NCALD: variants seen among roughly 807,000 people sequenced by gnomAD.
NCALD encodes the protein neurocalcin-delta.
NCALD carries 10 observed loss-of-function variants against 18.6 expected under a neutral mutation model. That is an observed-to-expected ratio of 0.54 (90% CI 0.33 to 0.91). The LOEUF (loss-of-function observed/expected upper bound fraction) is 0.91, where lower values mean the gene tolerates loss of function less well. Ranked by LOEUF, NCALD falls within the 40% of genes least tolerant of loss-of-function variation. The pLI, the probability that NCALD is intolerant of heterozygous loss-of-function variation, is 0.03. For missense variants in NCALD, 184 were observed against 247.6 expected (o/e 0.74, Z 1.72); for synonymous variants, 88 against 87.4 (o/e 1.01, Z -0.04).
chr8:101,964,774 A>G (rs1819961492), intron 2 of NCALD, among the ~76,000 whole-genome samples: 1 of 152,330 alleles, frequency 6.6e-6, no homozygotes, highest in South Asian at 2.1e-4. Flanking sequence ...GGATTCGCCT[A>G]ATTTTGAAAG....
chr8:101,741,068 C>T (rs929995977), intron 1 of NCALD, among the ~76,000 whole-genome samples: 1 of 152,190 alleles, frequency 6.6e-6, no homozygotes, highest in African/African-American at 2.4e-5. Context: ...TGGACTATCA[C>T]TATTCAGGCT....
At chr8:101,771,048 T>C (rs2130895098) in intron 1 of NCALD, among the ~76,000 whole-genome samples, 1 of 152,334 alleles carries the variant, frequency 6.6e-6, no homozygotes, top group East Asian at 1.9e-4. Context: ...TAAGTTCCAA[T>C]TCCCCACCCC....
chr8:102,052,375 C>A (rs1392873292), intron 1 of NCALD, among the ~76,000 whole-genome samples: 1 of 152,204 alleles, frequency 6.6e-6, no homozygotes, highest in Non-Finnish European at 1.5e-5. Flanking sequence ...ACACATCACA[C>A]AACTCCATTC....
At chr8:102,066,258 AC>A (rs1217711169) in intron 1 of NCALD, among the ~76,000 whole-genome samples, 1 of 152,144 alleles carries the variant, frequency 6.6e-6, no homozygotes, top group Non-Finnish European at 1.5e-5. Flanking sequence ...CTCCCTCCTC[AC>A]TCAGTCTTCC....
intron 1 of NCALD, chr8:101,789,061 A>G (rs1052352269): frequency 2.0e-5 from 3 of 152,222 alleles, no homozygotes; most frequent in African/African-American, 7.2e-5. Context: ...TACAATTATT[A>G]TAAGACTTTA....
At chr8:101,955,775 T>C (rs1366374660) in intron 2 of NCALD, among the ~76,000 whole-genome samples, 3 of 152,192 alleles carry the variant, frequency 2.0e-5, no homozygotes, top group East Asian at 1.9e-4. Context: ...AAAATAGTTA[T>C]AGAAGATATT....
chr8:102,056,441 G>A lies in NCALD; in HGVS notation c.-209-36152C>T, dbSNP rs1586991664. On this transcript the variant is annotated intron_variant, in intron 1 of 6. Transcript: ENST00000311028. ...CCCTCAATGCTCATTACAGACCCTTGCACACCTACATTTCAATAGTAATAA... is the reference window on the plus strand; with the variant it reads ...CCCTCAATGCTCATTACAGACCCTTACACACCTACATTTCAATAGTAATAA... Among the ~76,000 whole-genome samples, 3 of 152,306 alleles carry A rather than the reference G, an allele frequency of 2.0e-5. No homozygotes were observed. In the East Asian group the frequency reaches 5.8e-4, roughly 29 times the overall value.
chr8:101,798,771 G>C (rs751509307), intron 4 of NCALD, among the ~76,000 whole-genome samples: 1 of 152,184 alleles, frequency 6.6e-6, no homozygotes, highest in South Asian at 2.1e-4. Flanking sequence ...ATATAGCTAC[G>C]ATGATCAAGA....
At chr8:101,824,589 GA>G (rs1563802951) in intron 4 of NCALD, among the ~76,000 whole-genome samples, 1 of 151,866 alleles carries the variant, frequency 6.6e-6, no homozygotes, top group African/African-American at 2.4e-5. Context: ...AAGACAAGCT[GA>G]AAATGGCAAA....
chr8:102,063,657 A>T (rs756010496), intron 1 of NCALD, among the ~76,000 whole-genome samples: 1 of 152,094 alleles, frequency 6.6e-6, no homozygotes, highest in Non-Finnish European at 1.5e-5. Flanking sequence ...GCTCAAAACT[A>T]CTCTTGAAAG....
chr8:101,747,522 A>G (rs1810475617), intron 1 of NCALD, among the ~76,000 whole-genome samples: 2 of 152,172 alleles, frequency 1.3e-5, no homozygotes, highest in African/African-American at 4.8e-5. Context: ...GCTTCCTCCC[A>G]TAACTTTCAG....
intron 1 of NCALD, among the ~76,000 whole-genome samples, chr8:102,114,662 G>T (rs749057644): frequency 2.0e-5 from 3 of 152,136 alleles, no homozygotes; most frequent in Non-Finnish European, 4.4e-5. Flanking sequence ...GGAGGGACAG[G>T]GGAATAAATA....
chr8:101,751,362 T>G (rs1326679458), intron 1 of NCALD, among the ~76,000 whole-genome samples: 1 of 152,136 alleles, frequency 6.6e-6, no homozygotes, highest in African/African-American at 2.4e-5. Context: ...AGGAGATGAC[T>G]GGAGAGTTAG....
chr8:101,793,930 C>T (rs1446991535), upstream of NCALD, among the ~76,000 whole-genome samples: 1 of 152,164 alleles, frequency 6.6e-6, no homozygotes, highest in African/African-American at 2.4e-5. Context: ...GCAATTCTAA[C>T]CAGTCTTTTG....
At chr8:101,746,442 G>T (rs1051918636) in intron 1 of NCALD, among the ~76,000 whole-genome samples, 2 of 147,552 alleles carry the variant, frequency 1.4e-5, no homozygotes, top group African/African-American at 5.4e-5. Flanking sequence ...AACAACAATG[G>T]TTATGATACA....
intron 1 of NCALD, among the ~76,000 whole-genome samples, chr8:101,773,853 C>A (rs1197314597): frequency 1.3e-5 from 2 of 152,100 alleles, no homozygotes; most frequent in Non-Finnish European, 2.9e-5. Context: ...GTTTAAGAAT[C>A]ATGGACACGA....
At chr8:101,931,393 C>T (rs1818566583) in intron 2 of NCALD, among the ~76,000 whole-genome samples, 1 of 152,186 alleles carries the variant, frequency 6.6e-6, no homozygotes, top group African/African-American at 2.4e-5. Flanking sequence ...CTGTTAACAA[C>T]ATCAGATATA....
chr8:102,037,121 A>G (rs972069699), intron 1 of NCALD, among the ~76,000 whole-genome samples: 3 of 152,216 alleles, frequency 2.0e-5, no homozygotes, highest in African/African-American at 7.2e-5. Flanking sequence ...GTACGTAACC[A>G]CTAACAAAAG....
At chr8:101,714,700 A>C (rs1209902553) in intron 2 of NCALD, among the ~76,000 whole-genome samples, 2 of 151,946 alleles carry the variant, frequency 1.3e-5, no homozygotes, top group Non-Finnish European at 2.9e-5. Context: ...TCTAAGCAAT[A>C]AGAACAAAGC....
Sources: gnomAD v4.1 joint callset for allele counts (sites outside exome capture counted in the v4.1 genomes callset) on GRCh38, gnomAD v4.1.1 for gene constraint, MANE v1.5 for transcripts, NCBI Gene and HGNC (gene_info 2026-07-23, HGNC 2026-07-21) for gene names.